Variants in HS3ST5 observed in about 807,000 individuals in gnomAD.
HS3ST5 encodes the protein heparan sulfate-glucosamine 3-sulfotransferase 5, also known as heparan sulfate glucosamine 3-O-sulfotransferase 5.
HS3ST5 carries 10 observed loss-of-function variants against 25.4 expected under a neutral mutation model. The ratio of observed to expected loss-of-function variants is 0.39; its 90% CI spans 0.24 to 0.67. The LOEUF is 0.67. HS3ST5 is among the 30% of genes least tolerant of loss of function. The pLI, the probability that HS3ST5 is intolerant of heterozygous loss-of-function variation, is 0.44. For synonymous variants in HS3ST5, 170 were observed against 162.4 expected (o/e 1.05, Z -0.36); for missense variants, 324 against 420.7 (o/e 0.77, Z 2.01).
intron 2 of HS3ST5, among the ~76,000 whole-genome samples, chr6:114,190,239 G>A (rs137912583): frequency 6.6e-6 from 1 of 152,190 alleles, no homozygotes; most frequent in Non-Finnish European, 1.5e-5. Context: ...CAATCTTCCT[G>A]TTACTAAGCT....
chr6:114,179,770 G>A (rs1779880237), intron 2 of HS3ST5, among the ~76,000 whole-genome samples: 1 of 151,188 alleles, frequency 6.6e-6, no homozygotes, highest in South Asian at 2.1e-4. Context: ...TCTGCAGGCT[G>A]AGAAGCCAGG....
At chr6:114,332,318 G>A (rs1246278034) in intron 1 of HS3ST5, among the ~76,000 whole-genome samples, 3 of 152,146 alleles carry the variant, frequency 2.0e-5, no homozygotes, top group Non-Finnish European at 4.4e-5. Context: ...CTCACTATGC[G>A]TTTTCTCCAT....
intron 1 of HS3ST5, among the ~76,000 whole-genome samples, chr6:114,241,132 G>GTTTTTTTTTTTTTTT (rs34220294): frequency 1.7e-5 from 2 of 117,816 alleles, no homozygotes; most frequent in Non-Finnish European, 3.5e-5. Context: ...AGAAAAATCA[G>GTTTTTTTTTTTTTTT]TTTTTTTTTT....
intron 1 of HS3ST5, among the ~76,000 whole-genome samples, chr6:114,283,399 T>C (rs1186963360): frequency 6.6e-6 from 1 of 151,980 alleles, no homozygotes; most frequent in African/African-American, 2.4e-5. Context: ...TTAGTAACAA[T>C]ATAAATGCTA....
In HS3ST5 at chr6:114,058,109, A is replaced by C; in HGVS notation, c.189T>G (p.Phe63Leu). The C allele has an allele frequency of 2.5e-6, 4 of 1,614,136 alleles. No homozygotes were observed. Among genetic ancestry groups the C allele is most frequent in the Non-Finnish European group, 3.4e-6 (4 of 1,180,002 alleles). Residue 63 changes from phenylalanine (F) to leucine (L), a missense_variant, in exon 5 of 5, where the codon TTT (phenylalanine) becomes TTG (leucine). This residue lies in a region of HS3ST5 where 121 missense variants were observed against 117.3 expected (regional missense o/e 1.03). Transcript: ENST00000312719. ...GGAACTCGTGCAGCAGGCCACGCTTAAACTGCAGGGCGCGAAGTGGGAATT... is the reference window on the plus strand; with the variant it reads ...GGAACTCGTGCAGCAGGCCACGCTTCAACTGCAGGGCGCGAAGTGGGAATT... ...QAEFPLRALQ[F>L]KRGLLHEFRK...
At chr6:114,130,662 T>G (rs1370201052) in intron 3 of HS3ST5, among the ~76,000 whole-genome samples, 1 of 151,896 alleles carries the variant, frequency 6.6e-6, no homozygotes, top group Non-Finnish European at 1.5e-5. Context: ...CTCCGCCTCC[T>G]GGGTTCACAC....
chr6:114,319,737 T>C (rs1031181158), intron 1 of HS3ST5, among the ~76,000 whole-genome samples: 1 of 152,152 alleles, frequency 6.6e-6, no homozygotes, highest in African/African-American at 2.4e-5. Flanking sequence ...ATTTCTTCTG[T>C]CCTTACAGAA....
chr6:114,149,814 G>T (rs1445169386), intron 3 of HS3ST5, among the ~76,000 whole-genome samples: 3 of 151,994 alleles, frequency 2.0e-5, no homozygotes, highest in African/African-American at 7.3e-5. Flanking sequence ...GATATTACAT[G>T]GAAAAAAGTG....
intron 3 of HS3ST5, among the ~76,000 whole-genome samples, chr6:114,151,176 ATTGT>A (rs1355780433): frequency 2.0e-5 from 3 of 152,134 alleles, no homozygotes; most frequent in Non-Finnish European, 4.4e-5. Flanking sequence ...ATTTTTTGGT[ATTGT>A]TTATTTGTCC....
intron 3 of HS3ST5, among the ~76,000 whole-genome samples, chr6:114,121,571 A>C (rs1384411789): frequency 2.0e-5 from 3 of 152,156 alleles, no homozygotes; most frequent in Admixed American, 6.5e-5. Context: ...TAGATAAATA[A>C]AATTTTCTTT....
chr6:114,321,539 T>G (rs1009437109), intron 1 of HS3ST5, among the ~76,000 whole-genome samples: 7 of 152,254 alleles, frequency 4.6e-5, no homozygotes, highest in African/African-American at 1.7e-4. Context: ...GGGACTCCAA[T>G]CCATTGCCAT....
At chr6:114,069,352 T>C (rs1773651643) in intron 3 of HS3ST5, among the ~76,000 whole-genome samples, 1 of 152,118 alleles carries the variant, frequency 6.6e-6, no homozygotes, top group Non-Finnish European at 1.5e-5. Flanking sequence ...TATCTTTTTT[T>C]TTTTAATGGA....
At chr6:114,323,741 C>T (rs538220414) in intron 1 of HS3ST5, among the ~76,000 whole-genome samples, 5 of 152,096 alleles carry the variant, frequency 3.3e-5, no homozygotes, top group Non-Finnish European at 2.9e-5. Context: ...TACTTTCCCA[C>T]TCAGTAAATG....
chr6:114,165,509 A>G lies in HS3ST5; in HGVS notation c.-33+2842T>C, dbSNP rs9387193. Among the ~76,000 whole-genome samples the G allele has an allele frequency of 2.0e-5, 3 of 152,288 alleles. No individual in the cohort carries two copies. The East Asian group carries it at 5.8e-4, about 29-fold the overall frequency. On this transcript the variant is annotated intron_variant, in intron 3 of 4. Transcript: ENST00000312719. ...GTTTATATTTACCAAACTCACAACTATAATTAATATTTATAGCACCTCTAA... is the reference window on the plus strand; with the variant it reads ...GTTTATATTTACCAAACTCACAACTGTAATTAATATTTATAGCACCTCTAA...
chr6:114,124,044 C>T (rs1203095441), intron 3 of HS3ST5, among the ~76,000 whole-genome samples: 1 of 152,290 alleles, frequency 6.6e-6, no homozygotes, highest in East Asian at 1.9e-4. Context: ...TCCCTTCCAC[C>T]AAGAGGTATC....
At chr6:114,334,093 G>C (rs2114925928) in intron 1 of HS3ST5, among the ~76,000 whole-genome samples, 1 of 152,172 alleles carries the variant, frequency 6.6e-6, no homozygotes, top group Admixed American at 6.5e-5. Context: ...CTCTGTGTCT[G>C]CACCATTAAA....
intron 1 of HS3ST5, among the ~76,000 whole-genome samples, chr6:114,323,575 G>A (rs1444615590): frequency 1.3e-5 from 2 of 151,972 alleles, no homozygotes; most frequent in East Asian, 1.9e-4. Flanking sequence ...AATTTAAGCC[G>A]CAATTTCCTC....
At chr6:114,190,105 G>A (rs1339061357) in intron 2 of HS3ST5, among the ~76,000 whole-genome samples, 2 of 152,240 alleles carry the variant, frequency 1.3e-5, no homozygotes, top group East Asian at 3.9e-4. Context: ...TTGGTACTTT[G>A]TTTACTCTTC....
intron 1 of HS3ST5, among the ~76,000 whole-genome samples, chr6:114,337,516 T>A (rs759794328): frequency 8.5e-5 from 13 of 152,150 alleles, no homozygotes; most frequent in South Asian, 2.1e-4. Flanking sequence ...ACTACTTAAA[T>A]ATGGCATCGG....
Sources: allele counts gnomAD v4.1 joint callset (sites outside exome capture counted in the v4.1 genomes callset), GRCh38; gene constraint gnomAD v4.1.1; regional missense constraint gnomAD v4.1.1; transcripts MANE v1.5; gene names NCBI Gene and HGNC (gene_info 2026-07-23, HGNC 2026-07-21).